The following CACNB2 variants were observed in gnomAD, a reference collection of about 807,000 sequenced individuals.
The protein encoded by CACNB2 is calcium voltage-gated channel auxiliary subunit beta 2.
Under a neutral mutation model 73.3 loss-of-function variants are expected in CACNB2, and 42 were observed. That is an observed-to-expected ratio of 0.57 (90% confidence interval 0.45 to 0.74). The LOEUF (loss-of-function observed/expected upper bound fraction) is 0.74, where lower values mean the gene tolerates loss of function less well. CACNB2 is among the 30% of genes least tolerant of loss of function. CACNB2 has a pLI of 0.00. For synonymous variants in CACNB2, 348 were observed against 310.3 expected (o/e 1.12, Z -1.28); for missense variants, 940 against 853.0 (o/e 1.10, Z -1.27).
chr10:18,341,710 G>C (rs986595852), intron 2 of CACNB2, among the ~76,000 whole-genome samples: 6 of 152,074 alleles, frequency 3.9e-5, no homozygotes, highest in African/African-American at 1.2e-4. Context: ...TTAATAGTTT[G>C]TCTAAAAATT....
At chr10:18,408,613 T>C (rs2044430348) in intron 3 of CACNB2, among the ~76,000 whole-genome samples, 1 of 152,052 alleles carries the variant, frequency 6.6e-6, no homozygotes, top group South Asian at 2.1e-4. Context: ...TACAAACACA[T>C]AGGTTTACAA....
At chr10:18,363,361 A>T (rs11013850) in intron 2 of CACNB2, among the ~76,000 whole-genome samples, 17,257 of 152,166 alleles carry the variant, frequency 0.11, 1,089 homozygotes, top group Non-Finnish European at 0.13. Flanking sequence ...TCACTTGAGG[A>T]TGTCTTGTAC....
At chr10:18,501,788 T>C (rs1196185432) in intron 5 of CACNB2, among the ~76,000 whole-genome samples, 2 of 152,240 alleles carry the variant, frequency 1.3e-5, no homozygotes, top group African/African-American at 4.8e-5. Flanking sequence ...AGCAAGTATT[T>C]TTTTCAAGCG....
At chr10:18,228,741 A>AT (rs66498614) in intron 2 of CACNB2, among the ~76,000 whole-genome samples, 28 of 150,846 alleles carry the variant, frequency 1.9e-4, no homozygotes, top group African/African-American at 6.8e-4. Context: ...CTCTTAATGG[A>AT]TTTTTTTTTT....
chr10:18,228,444 A>AAAAAAG (rs1285798520), intron 2 of CACNB2, among the ~76,000 whole-genome samples: 1 of 149,224 alleles, frequency 6.7e-6, no homozygotes, highest in African/African-American at 2.5e-5. Flanking sequence ...AAAAAAAAAA[A>AAAAAAG]AAAAAGAAAA....
intron 3 of CACNB2, among the ~76,000 whole-genome samples, chr10:18,479,826 A>G (rs2048631922): frequency 2.0e-5 from 3 of 152,040 alleles, no homozygotes; most frequent in Admixed American, 2.0e-4. Context: ...AATCAACTAA[A>G]CCTCTTCATA....
chr10:18,486,053 T>C lies in CACNB2; in HGVS notation c.334-12302T>C, dbSNP rs192260180. On this transcript the variant is annotated intron_variant, in intron 3 of 13. Coordinates refer to ENST00000324631, the MANE Select transcript of CACNB2 (RefSeq NM_201596.3). ...GCAATTGACAGTTTCAGGATGAAAATTGAAAACCATACTTTGCTATTTAGC... is the reference window on the plus strand; with the variant it reads ...GCAATTGACAGTTTCAGGATGAAAACTGAAAACCATACTTTGCTATTTAGC... Among the ~76,000 whole-genome samples the C allele has an allele frequency of 3.3e-3, 499 of 152,204 alleles. 10 individuals are homozygous for C. The highest frequency in any genetic ancestry group is 1.2e-3 in the Non-Finnish European group (80 of 68,016).
chr10:18,469,545 C>A (rs1179451966), intron 3 of CACNB2, among the ~76,000 whole-genome samples: 1 of 152,200 alleles, frequency 6.6e-6, no homozygotes, highest in Non-Finnish European at 1.5e-5. Context: ...CTAGCAAATT[C>A]CTAAACTGTA....
At chr10:18,530,495 G>C (rs2052894519) in intron 10 of CACNB2, among the ~76,000 whole-genome samples, 1 of 133,464 alleles carries the variant, frequency 7.5e-6, no homozygotes, top group Non-Finnish European at 1.6e-5. Flanking sequence ...ATAATAAAAT[G>C]CAAGAAGTAC....
intron 3 of CACNB2, among the ~76,000 whole-genome samples, chr10:18,437,629 A>G (rs557356161): frequency 2.0e-5 from 3 of 152,276 alleles, no homozygotes; most frequent in Non-Finnish European, 4.4e-5. Context: ...AAGGAAGGCT[A>G]GAAATTTAGT....
intron 2 of CACNB2, among the ~76,000 whole-genome samples, chr10:18,395,630 C>T (rs2043679309): frequency 1.3e-5 from 2 of 152,124 alleles, no homozygotes; most frequent in South Asian, 2.1e-4. Flanking sequence ...TTCATTAGTA[C>T]ATCCTATAGC....
At chr10:18,198,081 T>C (rs1300003) in intron 2 of CACNB2, among the ~76,000 whole-genome samples, 126,372 of 147,486 alleles carry the variant, frequency 0.86, 54,349 homozygotes, top group Non-Finnish European at 0.9. Context: ...TGTAACATAT[T>C]AACTTACATA....
intron 3 of CACNB2, among the ~76,000 whole-genome samples, chr10:18,460,391 TACA>T (rs1214945990): frequency 6.6e-6 from 1 of 152,206 alleles, no homozygotes; most frequent in Non-Finnish European, 1.5e-5. Context: ...ATTCATCACT[TACA>T]ACATTTATAC....
intron 2 of CACNB2, among the ~76,000 whole-genome samples, chr10:18,174,313 C>T (rs1202607466): frequency 2.8e-5 from 4 of 145,366 alleles, no homozygotes. Flanking sequence ...CCTTCCCTCC[C>T]TCCCTCCCCC....
chr10:18,306,946 T>C (rs2039751562), intron 2 of CACNB2, among the ~76,000 whole-genome samples: 1 of 152,052 alleles, frequency 6.6e-6, no homozygotes, highest in African/African-American at 2.4e-5. Context: ...TGGGTTAAAA[T>C]AATATGGGTT....
At chr10:18,216,230 G>C (rs1029240076) in intron 2 of CACNB2, among the ~76,000 whole-genome samples, 4 of 152,128 alleles carry the variant, frequency 2.6e-5, no homozygotes, top group Non-Finnish European at 4.4e-5. Flanking sequence ...CTGGGAGGTG[G>C]TGGTTGCAGT....
chr10:18,492,056 T>A, intron 3 of CACNB2, among the ~76,000 whole-genome samples: 1 of 151,986 alleles, frequency 6.6e-6, no homozygotes, highest in Admixed American at 6.6e-5. Context: ...AGACTTACAG[T>A]CGTCTAGGAA....
chr10:18,447,279 C>T (rs1466963626), intron 3 of CACNB2, among the ~76,000 whole-genome samples: 1 of 151,906 alleles, frequency 6.6e-6, no homozygotes, highest in Non-Finnish European at 1.5e-5. Context: ...GCACCATAGA[C>T]CGTGTATTTG....
chr10:18,202,816 C>T (rs972075302), intron 2 of CACNB2, among the ~76,000 whole-genome samples: 5 of 152,306 alleles, frequency 3.3e-5, no homozygotes, highest in African/African-American at 1.2e-4. Context: ...GCCTTTCTGT[C>T]TTTGTTTCAG....
Sources: allele counts gnomAD v4.1 joint callset (sites outside exome capture counted in the v4.1 genomes callset), GRCh38; gene constraint gnomAD v4.1.1; transcripts MANE v1.5; gene names NCBI Gene and HGNC (gene_info 2026-07-23, HGNC 2026-07-21).